The following THRB variants were observed in gnomAD, a reference collection of about 807,000 sequenced individuals.
THRB encodes the protein thyroid hormone receptor beta.
Under a neutral mutation model 47.8 loss-of-function variants are expected in THRB, and 12 were observed. The ratio of observed to expected loss-of-function variants is 0.25; its 90% CI spans 0.16 to 0.41. The LOEUF is 0.41. Among genes scored for constraint, THRB ranks in the 10% least tolerant of loss-of-function variants. The pLI, the probability that THRB is intolerant of heterozygous loss-of-function variation, is 1.00. For synonymous variants in THRB, 218 were observed against 212.2 expected (o/e 1.03, Z -0.24); for missense variants, 348 against 589.2 (o/e 0.59, Z 4.24).
chr3:24,340,099 G>C (rs1160134028), intron 1 of THRB, among the ~76,000 whole-genome samples: 1 of 152,176 alleles, frequency 6.6e-6, no homozygotes, highest in African/African-American at 2.4e-5. Context: ...CAAATTGAAG[G>C]TTAAAGGATA....
chr3:24,428,257 T>C (rs574764644), intron 1 of THRB, among the ~76,000 whole-genome samples: 45 of 152,184 alleles, frequency 3.0e-4, no homozygotes, highest in African/African-American at 9.6e-4. Flanking sequence ...ACTATGTGCC[T>C]GGCATTAAGC....
chr3:24,212,704 C>A (rs375451236), intron 4 of THRB, among the ~76,000 whole-genome samples: 1 of 151,936 alleles, frequency 6.6e-6, no homozygotes, highest in Non-Finnish European at 1.5e-5. Flanking sequence ...TATGCTGACA[C>A]AGAACACAAC....
intron 4 of THRB, among the ~76,000 whole-genome samples, chr3:24,210,489 T>G (rs2045909320): frequency 1.3e-5 from 2 of 151,872 alleles, no homozygotes; most frequent in Admixed American, 6.6e-5. Context: ...GGAGTGTGTG[T>G]GTTACTGGCA....
intron 2 of THRB, among the ~76,000 whole-genome samples, chr3:24,298,915 A>G (rs1164981204): frequency 6.6e-6 from 1 of 152,206 alleles, no homozygotes; most frequent in Non-Finnish European, 1.5e-5. Flanking sequence ...CAAATCACAT[A>G]GATAAGTTTT....
At chr3:24,480,125 T>A (rs1358935515) in intron 1 of THRB, among the ~76,000 whole-genome samples, 1 of 152,192 alleles carries the variant, frequency 6.6e-6, no homozygotes, top group African/African-American at 2.4e-5. Flanking sequence ...TCTTCCCCAA[T>A]TTCCTACTGG....
At chr3:24,251,412 C>T (rs2050655892) in intron 3 of THRB, among the ~76,000 whole-genome samples, 1 of 151,708 alleles carries the variant, frequency 6.6e-6, no homozygotes, top group Non-Finnish European at 1.5e-5. Flanking sequence ...TTTGGAAAAA[C>T]CAAGAACAAA....
At chr3:24,447,892 T>C (rs1307247257) in intron 1 of THRB, among the ~76,000 whole-genome samples, 4 of 151,844 alleles carry the variant, frequency 2.6e-5, no homozygotes, top group Admixed American at 2.6e-4. Context: ...TGCCTCTTGC[T>C]GACCACCAAG....
At chr3:24,341,375 C>T (rs372912060) in intron 1 of THRB, among the ~76,000 whole-genome samples, 15 of 151,614 alleles carry the variant, frequency 9.9e-5, no homozygotes, top group East Asian at 7.8e-4. Flanking sequence ...GGATGACAGG[C>T]GTGTACCACC....
intron 5 of THRB, among the ~76,000 whole-genome samples, chr3:24,153,550 A>G (rs2037344219): frequency 1.3e-5 from 2 of 152,172 alleles, no homozygotes; most frequent in South Asian, 4.1e-4. Context: ...CAATGAGTTT[A>G]TTAGTTTAAA....
At chr3:24,433,804 T>C (rs568698414) in intron 1 of THRB, among the ~76,000 whole-genome samples, 1 of 152,210 alleles carries the variant, frequency 6.6e-6, no homozygotes, top group Non-Finnish European at 1.5e-5. Flanking sequence ...GTTATTTCCC[T>C]CATAAGGTGT....
intron 2 of THRB, among the ~76,000 whole-genome samples, chr3:24,307,520 C>T (rs1158000397): frequency 6.6e-6 from 1 of 152,134 alleles, no homozygotes; most frequent in East Asian, 1.9e-4. Flanking sequence ...ATATAGTTCA[C>T]CATGTAGATA....
intron 3 of THRB, among the ~76,000 whole-genome samples, chr3:24,291,287 T>G (rs184140307): frequency 1.7e-3 from 253 of 152,358 alleles, no homozygotes; most frequent in Non-Finnish European, 2.9e-3. Context: ...TATTGAGTCC[T>G]GCCACTTCCT....
intron 2 of THRB, among the ~76,000 whole-genome samples, chr3:24,321,819 T>C (rs1476810013): frequency 6.6e-6 from 1 of 152,180 alleles, no homozygotes; most frequent in African/African-American, 2.4e-5. Context: ...AGATGTGCTA[T>C]AAGTATAAGA....
At chr3:24,394,162 T>G (rs1056811733) in intron 1 of THRB, among the ~76,000 whole-genome samples, 8 of 152,266 alleles carry the variant, frequency 5.3e-5, no homozygotes, top group African/African-American at 1.9e-4. Context: ...ATTCTGTGCC[T>G]ATTTTCCTTG....
intron 1 of THRB, among the ~76,000 whole-genome samples, chr3:24,447,510 A>G (rs915443677): frequency 1.3e-5 from 2 of 152,134 alleles, no homozygotes; most frequent in Non-Finnish European, 2.9e-5. Flanking sequence ...TAATATATTA[A>G]TAAGTTCAAT....
chr3:24,464,255 G>GA (rs557030205), intron 1 of THRB, among the ~76,000 whole-genome samples: 84 of 130,310 alleles, frequency 6.4e-4, no homozygotes, highest in Admixed American at 9.2e-4. Flanking sequence ...AAAAAAAAAA[G>GA]AAAAAAAAAA....
At position 24,453,592 on chromosome 3, in the gene THRB, A is replaced by G. The variant is rs192234439; in HGVS notation, c.-261+41060T>C. The stretch of plus-strand genomic sequence containing the variant: ...GTTTCTACCTCATTTTCACACATCA[A>G]TCTTCATGAAACAGCTAGCAGGATC... On this transcript the variant is annotated intron_variant, in intron 1 of 10. Transcript: ENST00000646209. Among the ~76,000 whole-genome samples, 245 of 152,236 alleles carry G rather than the reference A, an allele frequency of 1.6e-3. 5 individuals carry two copies. Among genetic ancestry groups the G allele is most frequent in the Non-Finnish European group, 5.3e-4 (36 of 68,026 alleles).
intron 2 of THRB, among the ~76,000 whole-genome samples, chr3:24,312,929 A>G (rs2057851343): frequency 6.6e-6 from 1 of 152,208 alleles, no homozygotes; most frequent in South Asian, 2.1e-4. Flanking sequence ...TAGATCATTG[A>G]AACATTTCAA....
intron 3 of THRB, among the ~76,000 whole-genome samples, chr3:24,265,496 GTTCTAAGTCTAA>G: frequency 6.6e-6 from 1 of 152,148 alleles, no homozygotes; most frequent in Non-Finnish European, 1.5e-5. Context: ...AAAATTTTAT[GTTCTAAGTCTAA>G]TCAGGTGCAG....
Sources: allele counts gnomAD v4.1 joint callset (sites outside exome capture counted in the v4.1 genomes callset), GRCh38; gene constraint gnomAD v4.1.1; transcripts MANE v1.5; gene names NCBI Gene and HGNC (gene_info 2026-07-23, HGNC 2026-07-21).